Variants in SLC35F3 observed in about 807,000 individuals in gnomAD.
SLC35F3 encodes the protein solute carrier family 35 member F3.
A neutral mutation model predicts 49.9 loss-of-function variants in SLC35F3; 25 were observed. The ratio of observed to expected loss-of-function variants is 0.50; its 90% CI spans 0.37 to 0.70. The LOEUF is 0.70. Ranked by LOEUF, SLC35F3 falls within the 30% of genes least tolerant of loss-of-function variation. The pLI is 0.00. For synonymous variants in SLC35F3, 275 were observed against 265.4 expected (o/e 1.04, Z -0.35); for missense variants, 525 against 639.8 (o/e 0.82, Z 1.94).
At chr1:234,149,546 C>T (rs944404719) in intron 2 of SLC35F3, among the ~76,000 whole-genome samples, 1 of 152,174 alleles carries the variant, frequency 6.6e-6, no homozygotes, top group Non-Finnish European at 1.5e-5. Context: ...CAGCTGTACT[C>T]CTATCCATCA....
chr1:233,905,525 G>T lies in SLC35F3; in HGVS notation c.54-4G>T, dbSNP rs768311065. On this transcript the variant is annotated splice_region_variant and splice_polypyrimidine_tract_variant and intron_variant, in intron 1 of 7. Coordinates refer to ENST00000366618, the MANE Select transcript of SLC35F3 (RefSeq NM_173508.4). ...CCACCTGCCCGTGGCGCCTGCGACC[G>T]CAGTGGCATGAGGAGGTCACCGGAC... 1.2e-6 allele frequency: 2 copies of T among 1,609,238 alleles called. No homozygotes were observed. Among genetic ancestry groups the T allele is most frequent in the Admixed American group, 1.7e-5 (1 of 59,542 alleles).
intron 3 of SLC35F3, among the ~76,000 whole-genome samples, chr1:234,266,877 T>G (rs949771093): frequency 3.4e-5 from 5 of 148,120 alleles, no homozygotes; most frequent in Admixed American, 6.7e-5. Context: ...CACATGGTTT[T>G]TTTTTTTTTT....
intron 2 of SLC35F3, among the ~76,000 whole-genome samples, chr1:234,205,338 T>C (rs1216069245): frequency 2.6e-5 from 4 of 152,148 alleles, no homozygotes; most frequent in African/African-American, 9.7e-5. Context: ...ATGGCTTCTT[T>C]CGGTGAGGTG....
chr1:234,074,900 A>G (rs1219765899), intron 2 of SLC35F3, among the ~76,000 whole-genome samples: 2 of 152,198 alleles, frequency 1.3e-5, no homozygotes, highest in African/African-American at 4.8e-5. Flanking sequence ...ATGTCTGGGG[A>G]GGAGCTGAGA....
At chr1:234,178,495 A>T (rs1666508747) in intron 2 of SLC35F3, among the ~76,000 whole-genome samples, 1 of 151,298 alleles carries the variant, frequency 6.6e-6, no homozygotes, top group Non-Finnish European at 1.5e-5. Flanking sequence ...GAACAGTTTT[A>T]GGTTCACAGC....
intron 2 of SLC35F3, among the ~76,000 whole-genome samples, chr1:234,202,441 G>T (rs926649956): frequency 1.3e-5 from 2 of 152,220 alleles, no homozygotes; most frequent in African/African-American, 4.8e-5. Context: ...TTTACACCAA[G>T]AAGTATTTAT....
chr1:234,186,738 G>A (rs543866637), intron 2 of SLC35F3, among the ~76,000 whole-genome samples: 1 of 152,146 alleles, frequency 6.6e-6, no homozygotes, highest in Non-Finnish European at 1.5e-5. Flanking sequence ...AAGTCAACAT[G>A]CTGGACCAGG....
At chr1:234,213,710 G>A (rs573158391) in intron 2 of SLC35F3, 2 of 152,358 alleles carry the variant, frequency 1.3e-5, no homozygotes, top group African/African-American at 2.4e-5. Flanking sequence ...TCCTGCTACC[G>A]AGGTGAGTTT....
intron 2 of SLC35F3, among the ~76,000 whole-genome samples, chr1:234,004,494 A>G (rs1452843340): frequency 6.6e-6 from 1 of 152,166 alleles, no homozygotes; most frequent in African/African-American, 2.4e-5. Context: ...AATTTTGGTT[A>G]TAATTGGGGG....
chr1:233,953,317 A>G (rs1419560510), intron 2 of SLC35F3, among the ~76,000 whole-genome samples: 1 of 152,218 alleles, frequency 6.6e-6, no homozygotes, highest in Non-Finnish European at 1.5e-5. Flanking sequence ...TTAAATTTTG[A>G]GCCTAAATGA....
intron 3 of SLC35F3, chr1:234,261,563 G>A (rs1224287111): frequency 6.6e-6 from 1 of 152,242 alleles, no homozygotes; most frequent in Non-Finnish European, 1.5e-5. Context: ...TCACCATCTT[G>A]GTTTTGGCGG....
chr1:234,146,481 C>CTTTTTTTTTTTTTTTTTTTTTT lies in SLC35F3; in HGVS notation c.284-84933_284-84912dup, dbSNP rs869146212. Among the ~76,000 whole-genome samples, 19 of 74,040 alleles carry CTTTTTTTTTTTTTTTTTTTTTT rather than the reference C, an allele frequency of 2.6e-4. 4 individuals are homozygous for CTTTTTTTTTTTTTTTTTTTTTT. In the East Asian group the frequency reaches 5.9e-3, roughly 23 times the overall value. The allele number at this position is 74,040 out of a possible 152,430, so 48.6% of individuals were successfully genotyped here. ...AATAAAAGTTACCAAGATATTTGCTCTTTTTTTTTTTTTTTTTTTTTTTTC... is the reference window on the plus strand; with the variant it reads ...AATAAAAGTTACCAAGATATTTGCTCTTTTTTTTTTTTTTTTTTTTTTTTTTTTTTTTTTTTTTTTTTTTTTC... On this transcript the variant is annotated intron_variant, in intron 2 of 7. Coordinates refer to ENST00000366618, the MANE Select transcript of SLC35F3 (RefSeq NM_173508.4).
At chr1:234,239,073 G>T (rs900577278) in intron 3 of SLC35F3, among the ~76,000 whole-genome samples, 1 of 152,190 alleles carries the variant, frequency 6.6e-6, no homozygotes, top group Non-Finnish European at 1.5e-5. Context: ...CTTTTATGCG[G>T]TCATGATACC....
intron 2 of SLC35F3, among the ~76,000 whole-genome samples, chr1:234,151,016 C>A (rs1015917615): frequency 1.3e-5 from 2 of 152,112 alleles, no homozygotes; most frequent in African/African-American, 4.8e-5. Flanking sequence ...GTGTAAGAGG[C>A]TCAGGGCAAG....
chr1:234,051,678 T>G (rs1664379998), intron 2 of SLC35F3, among the ~76,000 whole-genome samples: 1 of 152,208 alleles, frequency 6.6e-6, no homozygotes, highest in African/African-American at 2.4e-5. Flanking sequence ...AACACTATGT[T>G]GAATAGGAGT....
intron 2 of SLC35F3, among the ~76,000 whole-genome samples, chr1:234,159,406 G>A (rs779764054): frequency 5.9e-5 from 9 of 152,000 alleles, no homozygotes; most frequent in Non-Finnish European, 1.0e-4. Flanking sequence ...GTGAAACGCC[G>A]TCTCTACCAA....
chr1:234,011,598 A>G (rs913876342), intron 2 of SLC35F3, among the ~76,000 whole-genome samples: 3 of 152,148 alleles, frequency 2.0e-5, no homozygotes, highest in Admixed American at 6.5e-5. Flanking sequence ...CAGTTTAGAC[A>G]TGCCAGTTAA....
intron 2 of SLC35F3, among the ~76,000 whole-genome samples, chr1:233,915,551 T>C (rs1661953345): frequency 6.6e-6 from 1 of 152,106 alleles, no homozygotes. Flanking sequence ...TCTTGTTTTT[T>C]TTTAAAAAAG....
intron 3 of SLC35F3, among the ~76,000 whole-genome samples, chr1:234,286,421 C>T (rs1668420970): frequency 6.6e-6 from 1 of 152,176 alleles, no homozygotes; most frequent in South Asian, 2.1e-4. Flanking sequence ...AGCCCGAATG[C>T]CACAGGTGGG....
Sources: allele counts gnomAD v4.1 joint callset (sites outside exome capture counted in the v4.1 genomes callset), GRCh38; gene constraint gnomAD v4.1.1; transcripts MANE v1.5; gene names NCBI Gene and HGNC (gene_info 2026-07-23, HGNC 2026-07-21).